The following RARB variants were observed in gnomAD, a reference collection of about 807,000 sequenced individuals.
The protein encoded by RARB is retinoic acid receptor beta.
RARB carries 17 observed loss-of-function variants against 51.9 expected under a neutral mutation model. That is an observed-to-expected ratio of 0.33 (90% CI 0.22 to 0.49). The LOEUF is 0.49. Among genes scored for constraint, RARB ranks in the 20% least tolerant of loss-of-function variants. The pLI, the probability that RARB is intolerant of heterozygous loss-of-function variation, is 0.99. For synonymous variants in RARB, 215 were observed against 195.4 expected, an observed-to-expected ratio of 1.10 and a Z score of -0.84; for missense variants, 369 against 550.8, an observed-to-expected ratio of 0.67 and a Z score of 3.30.
chr3:25,188,576 T>G (rs1015155170), intron 5 of RARB, among the ~76,000 whole-genome samples: 1 of 152,132 alleles, frequency 6.6e-6, no homozygotes, highest in Non-Finnish European at 1.5e-5. Context: ...GAAAAGTTAT[T>G]CTGTCAGCTT....
intron 7 of RARB, 120 bp downstream of exon 7, chr3:25,594,798 T>G: frequency 1.0e-6 from 1 of 975,440 alleles, no homozygotes; most frequent in Non-Finnish European, 1.4e-6. Flanking sequence ...GGAACTCATT[T>G]CTCATTGAAA....
chr3:25,186,311 T>C (rs1193614461), intron 5 of RARB, among the ~76,000 whole-genome samples: 5 of 151,914 alleles, frequency 3.3e-5, no homozygotes, highest in African/African-American at 1.2e-4. Flanking sequence ...TTAGAAAGAG[T>C]GTGGATCATC....
At chr3:24,844,502 C>T (rs968060936) in intron 1 of RARB, among the ~76,000 whole-genome samples, 3 of 152,180 alleles carry the variant, frequency 2.0e-5, no homozygotes, top group East Asian at 1.9e-4. Context: ...GGCTGGCATA[C>T]GATGTGACTG....
intron 3 of RARB, among the ~76,000 whole-genome samples, chr3:25,567,540 G>C (rs73820520): frequency 6.6e-6 from 1 of 151,972 alleles, no homozygotes; most frequent in Admixed American, 6.6e-5. Flanking sequence ...CCACTTCCCC[G>C]TCATCGGGTG....
At position 24,953,528 on chromosome 3, in the gene RARB, A is replaced by G. The variant is rs115411317; in HGVS notation, c.-380+94776A>G. 8.8e-3 allele frequency among the ~76,000 whole-genome samples: 1,336 copies of G among 152,260 alleles called. 17 individuals carry two copies. The highest frequency in any genetic ancestry group is 0.029 in the African/African-American group (1,201 of 41,548). Reference sequence around the variant, plus strand: ...GTGTTCACCTCAGGCGACAGATCCCATGAACTCAAAGCTTGGCTCTGGAGT... The same window carrying G: ...GTGTTCACCTCAGGCGACAGATCCCGTGAACTCAAAGCTTGGCTCTGGAGT... On this transcript the variant is annotated intron_variant, in intron 2 of 11. Transcript: ENST00000383772.
chr3:25,209,106 T>C (rs186462788), intron 5 of RARB, among the ~76,000 whole-genome samples: 2 of 152,210 alleles, frequency 1.3e-5, no homozygotes, highest in African/African-American at 4.8e-5. Context: ...TGGCCACTAA[T>C]ATATGTGAGT....
chr3:25,405,254 C>T (rs990620294), intron 5 of RARB, among the ~76,000 whole-genome samples: 2 of 152,290 alleles, frequency 1.3e-5, no homozygotes, highest in Admixed American at 1.3e-4. Context: ...CACAATGGCT[C>T]ATGGCTGTAA....
chr3:24,860,384 G>A (rs1702728204), intron 2 of RARB, among the ~76,000 whole-genome samples: 1 of 152,184 alleles, frequency 6.6e-6, no homozygotes. Context: ...ACATGAGAGA[G>A]TTGTCAGCTT....
At chr3:24,918,470 G>C (rs538426727) in intron 2 of RARB, among the ~76,000 whole-genome samples, 1 of 152,302 alleles carries the variant, frequency 6.6e-6, no homozygotes, top group South Asian at 2.1e-4. Context: ...TAAAACTTGA[G>C]TGTGATGATG....
chr3:24,872,051 T>C (rs548427005), intron 2 of RARB, among the ~76,000 whole-genome samples: 81 of 152,252 alleles, frequency 5.3e-4, no homozygotes, highest in South Asian at 1.2e-3. Context: ...GTGTTTCTTG[T>C]AGAGAGTAAG....
At chr3:25,432,564 T>C (rs1345075717) in intron 1 of RARB, among the ~76,000 whole-genome samples, 1 of 152,168 alleles carries the variant, frequency 6.6e-6, no homozygotes, top group Non-Finnish European at 1.5e-5. Context: ...CGCTGATATA[T>C]ACAACCGAGG....
intron 5 of RARB, among the ~76,000 whole-genome samples, chr3:25,286,975 C>G (rs549556237): frequency 6.6e-6 from 1 of 152,144 alleles, no homozygotes; most frequent in Non-Finnish European, 1.5e-5. Context: ...TGCGCTCTGT[C>G]TTTGTTAAGG....
intron 4 of RARB, among the ~76,000 whole-genome samples, chr3:25,171,152 C>G (rs567099072): frequency 2.6e-5 from 4 of 152,060 alleles, no homozygotes; most frequent in Admixed American, 2.0e-4. Context: ...AATCTCTTGG[C>G]TGGTAGATCC....
intron 1 of RARB, among the ~76,000 whole-genome samples, chr3:24,834,272 G>A (rs1702315186): frequency 6.6e-6 from 1 of 152,102 alleles, no homozygotes; most frequent in South Asian, 2.1e-4. Context: ...TTAGGAAAAT[G>A]AAATCAGATT....
intron 5 of RARB, among the ~76,000 whole-genome samples, chr3:25,591,591 C>T (rs971810161): frequency 1.3e-5 from 2 of 151,966 alleles, no homozygotes; most frequent in Admixed American, 6.6e-5. Context: ...GATTTGTTTC[C>T]CCAGCTAATA....
intron 3 of RARB, among the ~76,000 whole-genome samples, chr3:25,063,057 T>C (rs1027876707): frequency 3.3e-5 from 5 of 151,912 alleles, no homozygotes; most frequent in African/African-American, 1.2e-4. Flanking sequence ...TTAGGACAAC[T>C]TCTGAGATGC....
At chr3:25,183,845 T>C (rs1341009295) in intron 5 of RARB, among the ~76,000 whole-genome samples, 2 of 152,140 alleles carry the variant, frequency 1.3e-5, no homozygotes, top group Admixed American at 6.6e-5. Context: ...TTCTCCCTTA[T>C]ATTTAGAGCT....
intron 4 of RARB, among the ~76,000 whole-genome samples, chr3:25,145,958 C>T (rs1298314235): frequency 6.6e-6 from 1 of 151,620 alleles, no homozygotes; most frequent in Non-Finnish European, 1.5e-5. Flanking sequence ...GGTGAGATCA[C>T]GCCACTGCAC....
chr3:24,904,872 T>A (rs544537687), intron 2 of RARB, among the ~76,000 whole-genome samples: 176 of 152,290 alleles, frequency 1.2e-3, no homozygotes, highest in African/African-American at 4.0e-3. Context: ...GGGACATGGA[T>A]GAAGCTGGAA....
Sources: allele counts gnomAD v4.1 joint callset (sites outside exome capture counted in the v4.1 genomes callset), GRCh38; gene constraint gnomAD v4.1.1; transcripts MANE v1.5; gene names NCBI Gene and HGNC (gene_info 2026-07-23, HGNC 2026-07-21).